Variants in COL15A1 observed in about 807,000 individuals in gnomAD.
COL15A1 encodes the protein collagen type XV alpha 1 chain.
Under a neutral mutation model 165.9 loss-of-function variants are expected in COL15A1, and 111 were observed. The observed-to-expected ratio is 0.67, with a 90% CI of 0.57 to 0.78. The LOEUF (loss-of-function observed/expected upper bound fraction) is 0.78. Ranked by LOEUF, COL15A1 falls within the 30% of genes least tolerant of loss-of-function variation. The pLI is 0.00. For missense variants in COL15A1, 1,745 were observed against 1,789.7 expected (o/e 0.98, Z 0.45); for synonymous variants, 659 against 674.8 (o/e 0.98, Z 0.36).
intron 2 of COL15A1, among the ~76,000 whole-genome samples, chr9:98,946,468 T>TCAC (rs1335147618): frequency 3.9e-5 from 6 of 152,170 alleles, no homozygotes; most frequent in African/African-American, 1.4e-4. Flanking sequence ...CATTGTGCAG[T>TCAC]CTTCAAAGCA....
chr9:98,986,714 G>A (rs566125079), intron 3 of COL15A1, among the ~76,000 whole-genome samples: 3 of 152,342 alleles, frequency 2.0e-5, no homozygotes, highest in East Asian at 3.8e-4. Flanking sequence ...CTGATGTCTC[G>A]TTGGTGAACA....
At chr9:99,055,034 C>T (rs1238938847) in intron 32 of COL15A1, 68 bp from the exon 33 acceptor site, 1 of 1,372,744 alleles carries the variant, frequency 7.3e-7, no homozygotes, top group East Asian at 2.3e-5. Flanking sequence ...TGGTTGCCAA[C>T]TTAGAGACTT....
In COL15A1 at chr9:99,039,109, A is replaced by G. The variant is rs566559684; in HGVS notation, c.2475+376A>G. On this transcript the variant is annotated intron_variant, in intron 22 of 41. Transcript: ENST00000375001. ...TCCTTGTGCTCAAGGGAAACGAGGA[A>G]GAAATGGACTCATTCTAGTCTTTAT... Among the ~76,000 whole-genome samples the G allele has an allele frequency of 1.4e-3, 212 of 152,360 alleles. 1 individual carries two copies. Among genetic ancestry groups the G allele is most frequent in the African/African-American group, 4.7e-3 (195 of 41,580 alleles).
intron 21 of COL15A1, among the ~76,000 whole-genome samples, chr9:99,037,914 T>G (rs1208703970): frequency 6.6e-6 from 1 of 152,072 alleles, no homozygotes; most frequent in East Asian, 1.9e-4. Context: ...CAGAGGATAG[T>G]GCACATGGGT....
At chr9:99,055,409 A>G (rs1411779123) in intron 34 of COL15A1, 37 bp downstream of exon 34, 2 of 1,303,068 alleles carry the variant, frequency 1.5e-6, no homozygotes, top group Admixed American at 1.7e-5. Context: ...TACCCCAAAG[A>G]CTTACAGCTT....
At chr9:98,983,960 C>T (rs759584234) in intron 2 of COL15A1, among the ~76,000 whole-genome samples, 26 of 152,176 alleles carry the variant, frequency 1.7e-4, no homozygotes, top group Non-Finnish European at 3.8e-4. Flanking sequence ...TAGAGGGTCT[C>T]TCGAGTGTTT....
At chr9:99,001,769 C>A (rs1588509729) in intron 7 of COL15A1, among the ~76,000 whole-genome samples, 1 of 152,282 alleles carries the variant, frequency 6.6e-6, no homozygotes, top group East Asian at 1.9e-4. Context: ...GAGAAATGGA[C>A]ACAGTTGTAC....
Position 98,987,176 on chromosome 9 carries a change from C to T in COL15A1, c.649-118C>T, listed in dbSNP as rs1477001964. On this transcript the variant is annotated intron_variant, in intron 3 of 41. Coordinates refer to ENST00000375001, the MANE Select transcript of COL15A1 (RefSeq NM_001855.5). ...TTCGTGGTTGAGACTGCAGGCTGTA[C>T]ATCCTCATTCCCACGCTTTTACCTG... The T allele has an allele frequency of 2.3e-5, 22 of 957,304 alleles. No individual in the cohort carries two copies. In the East Asian group the frequency reaches 5.0e-4, roughly 22 times the overall value. 59.3% of individuals were successfully genotyped at this position (957,304 alleles called of 1,614,324 possible).
intron 9 of COL15A1, among the ~76,000 whole-genome samples, chr9:99,006,797 A>G (rs1838770348): frequency 6.6e-6 from 1 of 152,220 alleles, no homozygotes; most frequent in South Asian, 2.1e-4. Flanking sequence ...TTTGACCAGC[A>G]GGGTTGTCTG....
intron 16 of COL15A1, among the ~76,000 whole-genome samples, chr9:99,031,716 C>T (rs1839215448): frequency 6.6e-6 from 1 of 152,114 alleles, no homozygotes. Flanking sequence ...GTGGAAGTGC[C>T]TTCGGGCTGG....
intron 3 of COL15A1, 157 bp downstream of exon 3, chr9:98,986,269 A>G: frequency 1.6e-6 from 1 of 630,438 alleles, no homozygotes; most frequent in Non-Finnish European, 2.7e-6. Context: ...GGAACCCCAA[A>G]ACCTAGATTT....
intron 2 of COL15A1, among the ~76,000 whole-genome samples, chr9:98,963,278 T>C (rs545576604): frequency 0.011 from 1,722 of 151,776 alleles, 89 homozygotes; most frequent in East Asian, 0.073. Flanking sequence ...TGCCTGCAAG[T>C]CCCCCCAAAC....
In COL15A1 at chr9:99,040,517, A is replaced by T. The variant is rs777299587; in HGVS notation, c.2476-4A>T. 20 of 1,614,144 alleles carry T rather than the reference A, an allele frequency of 1.2e-5. No homozygotes were observed. The highest frequency in any genetic ancestry group is 1.7e-5 in the Admixed American group (1 of 60,030). ...CAGCGTGCTCTATCTTTGGTGTGTC[A>T]CAGGGGCCGGACGGGTTGCCTGGGC... On this transcript the variant is annotated splice_polypyrimidine_tract_variant and splice_region_variant and intron_variant, in intron 22 of 41. Coordinates refer to ENST00000375001, the MANE Select transcript of COL15A1 (RefSeq NM_001855.5).
chr9:98,961,294 G>A (rs954092496), intron 2 of COL15A1, among the ~76,000 whole-genome samples: 1 of 152,162 alleles, frequency 6.6e-6, no homozygotes, highest in African/African-American at 2.4e-5. Context: ...GCTAAATAAA[G>A]GATTGTACAA....
Position 98,948,513 on chromosome 9 carries a change from G to C in COL15A1, c.100+4263G>C, listed in dbSNP as rs995821567. Among the ~76,000 whole-genome samples, 7 of 149,724 alleles carry C rather than the reference G, an allele frequency of 4.7e-5. No individual in the cohort carries two copies. In the East Asian group the frequency reaches 1.4e-3, roughly 30 times the overall value. On this transcript the variant is annotated intron_variant, in intron 2 of 41. Transcript: ENST00000375001. ...CTTGGGAGGCTGAGGCAGGAGAATAGCTTGAACCTGGGAGGCGGAGGTTGC... is the reference window on the plus strand; with the variant it reads ...CTTGGGAGGCTGAGGCAGGAGAATACCTTGAACCTGGGAGGCGGAGGTTGC...
chr9:99,061,338 T>A (rs1457463929), intron 36 of COL15A1, among the ~76,000 whole-genome samples: 2 of 152,272 alleles, frequency 1.3e-5, no homozygotes, highest in African/African-American at 4.8e-5. Context: ...TCTTTGAGAT[T>A]TGATGCTATT....
intron 2 of COL15A1, among the ~76,000 whole-genome samples, chr9:98,961,458 T>C (rs1157981102): frequency 6.6e-6 from 1 of 152,054 alleles, no homozygotes; most frequent in Non-Finnish European, 1.5e-5. Context: ...GTGAACAGAT[T>C]TAGCCAGGAA....
rs947302221 is a variant in COL15A1, at chr9:98,973,495, G to A, written c.101-12070G>A. ...ACAGTTCTTTTTTAAGAAATGCATCGGGTGATAGGTTTTTCTAAGAACCTC... is the reference window on the plus strand; with the variant it reads ...ACAGTTCTTTTTTAAGAAATGCATCAGGTGATAGGTTTTTCTAAGAACCTC... On this transcript the variant is annotated intron_variant, in intron 2 of 41. Coordinates refer to ENST00000375001, the MANE Select transcript of COL15A1 (RefSeq NM_001855.5). Among the ~76,000 whole-genome samples the A allele has an allele frequency of 3.9e-5, 6 of 152,266 alleles. No individual in the cohort carries two copies. The East Asian group carries it at 9.6e-4, about 24-fold the overall frequency.
chr9:99,017,723 C>A (rs575133316), intron 11 of COL15A1, among the ~76,000 whole-genome samples: 37 of 152,234 alleles, frequency 2.4e-4, no homozygotes, highest in African/African-American at 8.4e-4. Context: ...CTCTTCTGCA[C>A]CTCACCCCAA....
Sources: gnomAD v4.1 joint callset for allele counts (sites outside exome capture counted in the v4.1 genomes callset) on GRCh38, gnomAD v4.1.1 for gene constraint, MANE v1.5 for transcripts, NCBI Gene and HGNC (gene_info 2026-07-23, HGNC 2026-07-21) for gene names.